The following FRMPD4 variants were observed in gnomAD, a reference collection of about 807,000 sequenced individuals.
FRMPD4 encodes FERM and PDZ domain-containing protein 4.
Under a neutral mutation model 94.1 loss-of-function variants are expected in FRMPD4, and 22 were observed. The ratio of observed to expected loss-of-function variants is 0.23; its 90% confidence interval spans 0.17 to 0.33. FRMPD4 has a LOEUF of 0.33. Ranked by LOEUF, FRMPD4 falls within the 10% of genes least tolerant of loss-of-function variation. FRMPD4 has a pLI of 1.00. For synonymous variants in FRMPD4, 631 were observed against 548.6 expected (o/e 1.15, Z -2.10); for missense variants, 1,111 against 1,339.9 (o/e 0.83, Z 2.67).
At chrX:12,126,047 A>G (rs1402588450) in intron 3 of FRMPD4, among the ~76,000 whole-genome samples, 2 of 112,615 alleles carry the variant, frequency 1.8e-5, no homozygotes, top group African/African-American at 6.5e-5. Flanking sequence ...GAGAATTTAC[A>G]TCACTCCATA....
intron 2 of FRMPD4, among the ~76,000 whole-genome samples, chrX:12,510,938 C>T (rs73438766): frequency 0.021 from 2,325 of 111,948 alleles, 64 homozygotes; most frequent in African/African-American, 0.072. Flanking sequence ...ACATGATCCT[C>T]AGGGCATGTT....
chrX:12,721,029 C>G lies in FRMPD4; in HGVS notation c.4460C>G (p.Pro1487Arg), dbSNP rs1177468072. 6 of 756,369 alleles carry G rather than the reference C, an allele frequency of 7.9e-6. No homozygotes were observed. The highest frequency in any genetic ancestry group is 4.7e-6 in the Non-Finnish European group (3 of 640,354). 62.3% of individuals were successfully genotyped at this position (756,369 alleles called of 1,213,427 possible). The change falls in exon 17 of 17, where the codon CCC (proline) becomes CGC (arginine). Residue 1487 changes from proline (P) to arginine (R), a missense_variant. Transcript: ENST00000675598. The stretch of plus-strand genomic sequence containing the variant: ...GACTCAAAGCTGTATAGGACATTAC[C>G]CTTGCGGAAGCTGGAGGGCAGCAAT... ...HKDSKLYRTL[P>R]LRKLEGSNWR...
At chrX:12,476,557 T>C (rs1298793303) in intron 1 of FRMPD4, among the ~76,000 whole-genome samples, 1 of 110,943 alleles carries the variant, frequency 9.0e-6, no homozygotes, top group African/African-American at 3.3e-5. Context: ...ATTTTTGCAA[T>C]CTACTCATCT....
intron 2 of FRMPD4, among the ~76,000 whole-genome samples, chrX:12,561,498 T>C (rs1452976529): frequency 8.9e-6 from 1 of 111,746 alleles, no homozygotes; most frequent in Non-Finnish European, 1.9e-5. Flanking sequence ...TTTGAACATA[T>C]TTATGGACAC....
chrX:12,245,148 G>A (rs1055496032), intron 1 of FRMPD4, among the ~76,000 whole-genome samples: 6 of 112,054 alleles, frequency 5.4e-5, no homozygotes, highest in Non-Finnish European at 1.1e-4. Context: ...TGCATATGTT[G>A]AGGGTGGGCC....
intron 3 of FRMPD4, among the ~76,000 whole-genome samples, chrX:12,611,881 A>G (rs2059187872): frequency 9.0e-6 from 1 of 110,748 alleles, no homozygotes; most frequent in African/African-American, 3.3e-5. Context: ...TGCTTTGTAA[A>G]AAAAAAAAAT....
At chrX:11,850,275 C>CA (rs966592663) in intron 1 of FRMPD4, among the ~76,000 whole-genome samples, 1 of 112,037 alleles carries the variant, frequency 8.9e-6, no homozygotes, top group African/African-American at 3.2e-5. Flanking sequence ...AAGAAACAAA[C>CA]AAAAAACAGA....
At position 12,618,191 on chromosome X, in the gene FRMPD4, C is replaced by T. The variant is rs780485828; in HGVS notation, c.422+3310C>T. On this transcript the variant is annotated intron_variant, in intron 4 of 16. Coordinates refer to ENST00000675598, the MANE Select transcript of FRMPD4 (RefSeq NM_001368397.1). ...CACAATTAGACTAATTAACTGAAAG[C>T]AGTCTCCAAAATTTTATTTTTAAAA... 1.2e-4 allele frequency among the ~76,000 whole-genome samples: 13 copies of T among 111,713 alleles called. No homozygotes were observed. The East Asian group carries it at 3.6e-3, about 31-fold the overall frequency.
chrX:12,671,388 T>A lies in FRMPD4; in HGVS notation c.423-3475T>A, dbSNP rs190176340. Among the ~76,000 whole-genome samples the A allele has an allele frequency of 3.0e-4, 34 of 111,929 alleles. No individual in the cohort carries two copies. The East Asian group carries it at 9.2e-3, about 30-fold the overall frequency. ...AAGAAAATGTGGCACATATACACCATGGAATACTATGCAGCCATAGAAAAG... is the reference window on the plus strand; with the variant it reads ...AAGAAAATGTGGCACATATACACCAAGGAATACTATGCAGCCATAGAAAAG... On this transcript the variant is annotated intron_variant, in intron 4 of 16. Coordinates refer to ENST00000675598, the MANE Select transcript of FRMPD4 (RefSeq NM_001368397.1).
intron 2 of FRMPD4, among the ~76,000 whole-genome samples, chrX:12,570,308 T>C (rs67331461): frequency 0.011 from 1,215 of 109,061 alleles, 17 homozygotes; most frequent in African/African-American, 0.037. Flanking sequence ...TATTTTATTT[T>C]ATTTTATTTT....
intron 4 of FRMPD4, among the ~76,000 whole-genome samples, chrX:12,667,911 G>A (rs2059796444): frequency 8.9e-6 from 1 of 112,128 alleles, no homozygotes; most frequent in African/African-American, 3.2e-5. Context: ...GGATGAAAAT[G>A]ATGTTTTTAA....
intron 3 of FRMPD4, among the ~76,000 whole-genome samples, chrX:12,085,851 A>T (rs994532124): frequency 7.1e-5 from 8 of 112,146 alleles, no homozygotes; most frequent in Admixed American, 9.5e-5. Context: ...CATGGGCAAC[A>T]GAGCAAAATT....
chrX:12,275,429 G>A (rs761022156), intron 1 of FRMPD4, among the ~76,000 whole-genome samples: 16 of 110,785 alleles, frequency 1.4e-4, no homozygotes, highest in Non-Finnish European at 3.0e-4. Context: ...CGAGTCTCAG[G>A]TATTTATTTA....
intron 2 of FRMPD4, among the ~76,000 whole-genome samples, chrX:12,582,020 A>G (rs762143207): frequency 7.1e-5 from 8 of 112,383 alleles, no homozygotes; most frequent in Admixed American, 4.7e-4. Flanking sequence ...GTAAGTTCCC[A>G]TGAGTGCAGG....
chrX:11,948,922 C>T (rs1171298148), intron 3 of FRMPD4, among the ~76,000 whole-genome samples: 1 of 111,708 alleles, frequency 9.0e-6, no homozygotes, highest in African/African-American at 3.3e-5. Context: ...ATATGCAATG[C>T]TCTGGCAGTC....
intron 2 of FRMPD4, among the ~76,000 whole-genome samples, chrX:12,537,799 GAATT>G (rs2058357549): frequency 9.1e-6 from 1 of 110,003 alleles, no homozygotes; most frequent in Admixed American, 9.8e-5. Flanking sequence ...CCTATTGTCT[GAATT>G]AATTAACAAA....
chrX:12,273,933 G>A (rs5933979), intron 1 of FRMPD4, among the ~76,000 whole-genome samples: 1,368 of 111,755 alleles, frequency 0.012, 9 homozygotes, highest in Middle Eastern at 0.018. Flanking sequence ...ATGCTGTTAC[G>A]TGATTTTTGT....
At chrX:12,582,872 G>A (rs1355273944) in intron 2 of FRMPD4, among the ~76,000 whole-genome samples, 2 of 112,003 alleles carry the variant, frequency 1.8e-5, no homozygotes, top group African/African-American at 6.5e-5. Flanking sequence ...GAATACGGGC[G>A]TGCACAAAAC....
chrX:12,479,895 G>A (rs1272094823), intron 1 of FRMPD4, among the ~76,000 whole-genome samples: 1 of 110,088 alleles, frequency 9.1e-6, no homozygotes, highest in Non-Finnish European at 1.9e-5. Flanking sequence ...GCAGAGGCTA[G>A]GGGAGATTGA....
Sources: allele counts gnomAD v4.1 joint callset (sites outside exome capture counted in the v4.1 genomes callset), GRCh38; gene constraint gnomAD v4.1.1; transcripts MANE v1.5; gene names NCBI Gene and HGNC (gene_info 2026-07-23, HGNC 2026-07-21).